Variants in STXBP5L observed in about 807,000 individuals in gnomAD.
STXBP5L encodes the protein syntaxin binding protein 5L.
Under a neutral mutation model 144.5 loss-of-function variants are expected in STXBP5L, and 65 were observed. The ratio of observed to expected loss-of-function variants is 0.45; its 90% CI spans 0.37 to 0.55. The LOEUF (loss-of-function observed/expected upper bound fraction) is 0.55, where lower values mean the gene tolerates loss of function less well. Among genes scored for constraint, STXBP5L ranks in the 20% least tolerant of loss-of-function variants. The pLI is 0.00. For synonymous variants in STXBP5L, 505 were observed against 469.6 expected (o/e 1.08, Z -0.97); for missense variants, 1,298 against 1,405.5 (o/e 0.92, Z 1.22).
chr3:121,336,058 TA>T (rs1351614028), intron 20 of STXBP5L, among the ~76,000 whole-genome samples: 1 of 152,058 alleles, frequency 6.6e-6, no homozygotes, highest in Non-Finnish European at 1.5e-5. Context: ...AAGAAGAACT[TA>T]AGCAAATTAC....
intron 19 of STXBP5L, among the ~76,000 whole-genome samples, chr3:121,297,945 TGCTAATA>T: frequency 6.6e-6 from 1 of 152,228 alleles, no homozygotes; most frequent in East Asian, 1.9e-4. Context: ...AACATGAGAA[TGCTAATA>T]TTTCTTTGAG....
intron 9 of STXBP5L, among the ~76,000 whole-genome samples, chr3:121,180,042 G>A (rs1476026669): frequency 6.6e-6 from 1 of 152,106 alleles, no homozygotes; most frequent in Non-Finnish European, 1.5e-5. Context: ...AACTTTCCCG[G>A]CCTTACTAGA....
At chr3:121,112,109 TG>T (rs2044013965) in intron 5 of STXBP5L, among the ~76,000 whole-genome samples, 1 of 151,966 alleles carries the variant, frequency 6.6e-6, no homozygotes, top group South Asian at 2.1e-4. Flanking sequence ...AGAATGGAGC[TG>T]CATTTATGGC....
At chr3:121,344,580 T>C (rs1262217456) in intron 20 of STXBP5L, among the ~76,000 whole-genome samples, 1 of 152,072 alleles carries the variant, frequency 6.6e-6, no homozygotes, top group African/African-American at 2.4e-5. Flanking sequence ...TGGTGATAAA[T>C]ATGATTGTAA....
At chr3:121,089,332 A>G (rs1446939620) in intron 5 of STXBP5L, among the ~76,000 whole-genome samples, 2 of 151,664 alleles carry the variant, frequency 1.3e-5, no homozygotes, top group Non-Finnish European at 2.9e-5. Flanking sequence ...TAATGTCATA[A>G]TTTCTTCATA....
chr3:121,065,741 T>C (rs1195969719), intron 5 of STXBP5L, among the ~76,000 whole-genome samples: 1 of 152,240 alleles, frequency 6.6e-6, no homozygotes, highest in African/African-American at 2.4e-5. Flanking sequence ...AAAATATATA[T>C]TATTAGCTGA....
intron 14 of STXBP5L, among the ~76,000 whole-genome samples, chr3:121,244,892 G>A (rs572341592): frequency 2.2e-4 from 34 of 152,108 alleles, no homozygotes; most frequent in African/African-American, 8.2e-4. Flanking sequence ...AAAAACTGAA[G>A]GAATTCATCA....
At chr3:121,256,181 T>G (rs1310589775) in intron 16 of STXBP5L, among the ~76,000 whole-genome samples, 1 of 152,064 alleles carries the variant, frequency 6.6e-6, no homozygotes, top group Non-Finnish European at 1.5e-5. Context: ...TTCATAGGGT[T>G]CTTGTGATGA....
chr3:121,129,194 T>C (rs2044857563), intron 7 of STXBP5L, among the ~76,000 whole-genome samples: 1 of 152,074 alleles, frequency 6.6e-6, no homozygotes, highest in South Asian at 2.1e-4. Flanking sequence ...TTGACAGATA[T>C]GCTTAGTAGC....
intron 5 of STXBP5L, among the ~76,000 whole-genome samples, chr3:121,051,366 C>G (rs1316410912): frequency 1.3e-5 from 2 of 152,098 alleles, no homozygotes; most frequent in Admixed American, 1.3e-4. Context: ...TGTAAAAGAA[C>G]AGAAATTATA....
At chr3:121,388,121 C>T (rs1460654945) in intron 22 of STXBP5L, among the ~76,000 whole-genome samples, 1 of 152,052 alleles carries the variant, frequency 6.6e-6, no homozygotes, top group African/African-American at 2.4e-5. Flanking sequence ...CCTTCACATC[C>T]CTTGTAAGTT....
At chr3:121,411,464 T>C (rs759637477) in intron 23 of STXBP5L, among the ~76,000 whole-genome samples, 22 of 152,130 alleles carry the variant, frequency 1.4e-4, no homozygotes, top group Admixed American at 9.8e-4. Context: ...CCTTTTGGCA[T>C]TAAAGGACTG....
Position 121,011,746 on chromosome 3 carries a change from T to C in STXBP5L, c.288-29954T>C, listed in dbSNP as rs190722942. 4.7e-4 allele frequency among the ~76,000 whole-genome samples: 72 copies of C among 152,010 alleles called. 1 individual carries two copies. Among genetic ancestry groups the C allele is most frequent in the Admixed American group, 4.7e-3 (71 of 15,202 alleles). On this transcript the variant is annotated intron_variant, in intron 3 of 26. Coordinates refer to ENST00000471454, the MANE Select transcript of STXBP5L (RefSeq NM_001308330.2). ...TTTCCCATCCAAAGCTGGACACTTA[T>C]AATGAATTTGTTATATCTTTTTTTT...
intron 3 of STXBP5L, among the ~76,000 whole-genome samples, chr3:121,009,226 G>A (rs1244811622): frequency 6.6e-6 from 1 of 151,940 alleles, no homozygotes; most frequent in Non-Finnish European, 1.5e-5. Context: ...AGTGGTAGAT[G>A]TACTATGTTA....
intron 18 of STXBP5L, among the ~76,000 whole-genome samples, chr3:121,264,296 G>A (rs2050481438): frequency 6.6e-6 from 1 of 152,164 alleles, no homozygotes; most frequent in South Asian, 2.1e-4. Context: ...TGCCTTACAA[G>A]AGCTCCTGAG....
intron 6 of STXBP5L, among the ~76,000 whole-genome samples, chr3:121,118,579 A>G (rs928000785): frequency 2.6e-5 from 4 of 151,628 alleles, no homozygotes; most frequent in African/African-American, 9.7e-5. Context: ...AAAGACTAAT[A>G]GGGAGCTAGA....
chr3:120,996,263 A>G (rs1448522592), intron 3 of STXBP5L, among the ~76,000 whole-genome samples: 1 of 151,998 alleles, frequency 6.6e-6, no homozygotes, highest in Non-Finnish European at 1.5e-5. Flanking sequence ...GTGTTTACGC[A>G]GATTTTTGAA....
chr3:121,157,751 A>G, intron 9 of STXBP5L, 124 bp downstream of exon 9: 1 of 1,286,840 alleles, frequency 7.8e-7, no homozygotes, highest in Non-Finnish European at 1.0e-6. Flanking sequence ...GGTTCTAAAC[A>G]TCCCTTTTAT....
At chr3:121,074,179 C>G (rs908026044) in intron 5 of STXBP5L, among the ~76,000 whole-genome samples, 1 of 152,056 alleles carries the variant, frequency 6.6e-6, no homozygotes, top group African/African-American at 2.4e-5. Context: ...TGTGATGAGC[C>G]CCACTCAAAG....
Sources: gnomAD v4.1 joint callset for allele counts (sites outside exome capture counted in the v4.1 genomes callset) on GRCh38, gnomAD v4.1.1 for gene constraint, MANE v1.5 for transcripts, NCBI Gene and HGNC (gene_info 2026-07-23, HGNC 2026-07-21) for gene names.